NTRK1: variants seen among roughly 807,000 people sequenced by gnomAD.
The protein encoded by NTRK1 is neurotrophic receptor tyrosine kinase 1, also known as high affinity nerve growth factor receptor.
In NTRK1, 62 loss-of-function variants were observed where a neutral mutation model predicts 86.8. That is an observed-to-expected ratio of 0.71 (90% CI 0.58 to 0.88). NTRK1 has a LOEUF of 0.88. NTRK1 is among the 40% of genes least tolerant of loss of function. The pLI, the probability that NTRK1 is intolerant of heterozygous loss-of-function variation, is 0.00. For missense variants in NTRK1, 967 were observed against 1,078.4 expected, an observed-to-expected ratio of 0.90 and a Z score of 1.45; for synonymous variants, 469 against 456.6, an observed-to-expected ratio of 1.03 and a Z score of -0.35.
intron 1 of NTRK1, among the ~76,000 whole-genome samples, chr1:156,819,541 A>G (rs899804358): frequency 1.8e-5 from 2 of 112,068 alleles, no homozygotes; most frequent in East Asian, 2.7e-4. Flanking sequence ...ATTTTTTTAG[A>G]TGGAGTTTCG....
intron 1 of NTRK1, among the ~76,000 whole-genome samples, chr1:156,839,171 G>C (rs1210933867): frequency 1.3e-5 from 2 of 152,274 alleles, no homozygotes; most frequent in Non-Finnish European, 2.9e-5. Context: ...GGGGATAACA[G>C]GGTAGTTGTT....
intron 1 of NTRK1, among the ~76,000 whole-genome samples, chr1:156,821,930 G>A (rs1195924597): frequency 2.0e-5 from 3 of 152,188 alleles, no homozygotes; most frequent in Admixed American, 6.5e-5. Context: ...CATGGCCCAT[G>A]TGTGATGTTT....
intron 2 of NTRK1, chr1:156,851,539 G>A (rs1655207495): frequency 1.2e-6 from 2 of 1,604,724 alleles, no homozygotes; most frequent in Non-Finnish European, 8.5e-7. Context: ...TCAGGACTGG[G>A]ACCCAGGATG....
Position 156,874,000 on chromosome 1 carries a change from C to T in NTRK1, c.1177+41C>T, listed in dbSNP as rs778470659. On this transcript the variant is annotated intron_variant, in intron 8 of 16. Coordinates refer to ENST00000524377, the MANE Select transcript of NTRK1 (RefSeq NM_002529.4). ...TGAACCCTGCCCCCACTCCTGGGCTCCTCCTGGGTTACAGCCAACTTCCTG... is the reference window on the plus strand; with the variant it reads ...TGAACCCTGCCCCCACTCCTGGGCTTCTCCTGGGTTACAGCCAACTTCCTG... The T allele has an allele frequency of 2.1e-5, 32 of 1,536,430 alleles. 1 individual carries two copies. The South Asian group carries it at 3.7e-4, about 18-fold the overall frequency.
intron 2 of NTRK1, chr1:156,851,770 G>T: frequency 1.2e-6 from 2 of 1,610,732 alleles, no homozygotes; most frequent in Non-Finnish European, 1.7e-6. Flanking sequence ...ACAGCCCCTC[G>T]CACTTGTGGC....
chr1:156,846,941 G>A (rs781754479), intron 2 of NTRK1, among the ~76,000 whole-genome samples: 7 of 152,180 alleles, frequency 4.6e-5, no homozygotes, highest in Non-Finnish European at 8.8e-5. Context: ...TGTGATATCT[G>A]TGTCAGTGAA....
At position 156,876,425 on chromosome 1, in the gene NTRK1, CT is replaced by C. The variant is rs1363364803; in HGVS notation, c.1659del (p.Arg554GlyfsTer104). 6 of 1,613,776 alleles carry C rather than the reference CT, an allele frequency of 3.7e-6. No homozygotes were observed. Among genetic ancestry groups the C allele is most frequent in the Non-Finnish European group, 5.1e-6 (6 of 1,180,034 alleles). ...VKALKEASESARQDFQREAEL... is the reference protein window; with the variant it reads ...VKALKEASESXRQDFQREAEL... ...GCACTGAAGGAGGCGTCCGAGAGTGCTCGGCAGGACTTCCAGCGTGAGGCTG... is the reference window on the plus strand; with the variant it reads ...GCACTGAAGGAGGCGTCCGAGAGTGCCGGCAGGACTTCCAGCGTGAGGCTG... On this transcript the variant is annotated frameshift_variant, in exon 14 of 17. Coordinates refer to ENST00000524377, the MANE Select transcript of NTRK1 (RefSeq NM_002529.4). LOFTEE classifies it high-confidence loss of function.
At position 156,881,474 on chromosome 1, in the gene NTRK1, G is replaced by A. The variant is rs753013914; in HGVS notation, c.2223G>A (p.Thr741=). The change falls in exon 17 of 17, where the codon ACG becomes ACA. Residue 741 remains threonine, a synonymous_variant. Coordinates refer to ENST00000524377, the MANE Select transcript of NTRK1 (RefSeq NM_002529.4). ...LSNTEAIDCI[T]QGRELERPRA... is the part of the protein sequence containing the mutation. ...GGCCCCAGGCAATCGACTGCATCAC[G>A]CAGGGACGTGAGTTGGAGCGGCCAC... 12 of 1,576,342 alleles carry A rather than the reference G, an allele frequency of 7.6e-6. No individual in the cohort carries two copies. The highest frequency in any genetic ancestry group is 3.5e-5 in the South Asian group (3 of 85,988).
At chr1:156,822,170 C>G (rs924311620) in intron 1 of NTRK1, among the ~76,000 whole-genome samples, 90 of 152,152 alleles carry the variant, frequency 5.9e-4, no homozygotes, top group African/African-American at 2.0e-3. Context: ...CGGTCCACCC[C>G]CTGTGCCCTC....
At chr1:156,846,707 T>G (rs1415249394) in intron 2 of NTRK1, 3 of 1,614,156 alleles carry the variant, frequency 1.9e-6, no homozygotes, top group Non-Finnish European at 2.5e-6. Context: ...GTTCCAGCTC[T>G]GGGTTCCACA....
At chr1:156,820,051 G>A (rs1178831817) in intron 1 of NTRK1, among the ~76,000 whole-genome samples, 1 of 152,134 alleles carries the variant, frequency 6.6e-6, no homozygotes, top group African/African-American at 2.4e-5. Context: ...CTTTGCCTAA[G>A]CCAATGTCCA....
chr1:156,818,673 G>A, intron 1 of NTRK1, among the ~76,000 whole-genome samples: 1 of 152,166 alleles, frequency 6.6e-6, no homozygotes, highest in East Asian at 1.9e-4. Context: ...TTTTGGCTGA[G>A]TAGTATTCCA....
intron 1 of NTRK1, among the ~76,000 whole-genome samples, chr1:156,863,732 C>T (rs1199741801): frequency 2.0e-5 from 3 of 151,934 alleles, no homozygotes; most frequent in South Asian, 4.2e-4. Context: ...GGCCCTTGGG[C>T]GGGCACGTTT....
At chr1:156,843,851 A>G (rs563584290) in intron 2 of NTRK1, among the ~76,000 whole-genome samples, 1 of 152,296 alleles carries the variant, frequency 6.6e-6, no homozygotes, top group Admixed American at 6.5e-5. Flanking sequence ...GGACAGCTCT[A>G]TTATTTTTCA....
intron 4 of NTRK1, among the ~76,000 whole-genome samples, chr1:156,867,816 G>A (rs1188427815): frequency 6.6e-6 from 1 of 152,104 alleles, no homozygotes; most frequent in South Asian, 2.1e-4. Context: ...TGGGACTACA[G>A]GTGCCCGCCA....
intron 2 of NTRK1, chr1:156,853,721 C>T (rs1296270863): frequency 4.5e-6 from 7 of 1,568,824 alleles, no homozygotes; most frequent in South Asian, 2.3e-5. Context: ...TCTCTCCCTT[C>T]CCTACATTCA....
At chr1:156,849,837 A>G (rs529071728) in intron 2 of NTRK1, among the ~76,000 whole-genome samples, 5 of 151,356 alleles carry the variant, frequency 3.3e-5, no homozygotes, top group African/African-American at 1.2e-4. Flanking sequence ...TGAGGTGTGG[A>G]CACTCTCGGT....
intron 15 of NTRK1, among the ~76,000 whole-genome samples, chr1:156,879,737 G>A (rs1368230200): frequency 6.6e-6 from 1 of 152,146 alleles, no homozygotes; most frequent in Non-Finnish European, 1.5e-5. Flanking sequence ...AGCCTCCCGA[G>A]TAGCTGGGAT....
chr1:156,859,348 G>A (rs187152289), upstream of NTRK1, among the ~76,000 whole-genome samples: 4 of 152,128 alleles, frequency 2.6e-5, no homozygotes, highest in Admixed American at 2.0e-4. This position sits in a 1 kb window ranked among gnomAD's most constrained non-coding sequence, Gnocchi z 6.2. Context: ...AGCGGCTCCC[G>A]CCAACCCTTT....
Sources: gnomAD v4.1 joint callset for allele counts (sites outside exome capture counted in the v4.1 genomes callset) on GRCh38, gnomAD v4.1.1 for gene constraint, Gnocchi (gnomAD v3.1) non-coding constraint, MANE v1.5 for transcripts, NCBI Gene and HGNC (gene_info 2026-07-23, HGNC 2026-07-21) for gene names.